The following AP1M1 variants were observed in gnomAD, a reference collection of about 807,000 sequenced individuals.
AP1M1 encodes adaptor related protein complex 1 subunit mu 1.
A neutral mutation model predicts 57.1 loss-of-function variants in AP1M1; 18 were observed. That is an observed-to-expected ratio of 0.32 (90% confidence interval 0.22 to 0.47). The LOEUF (loss-of-function observed/expected upper bound fraction) is 0.47, where lower values mean the gene tolerates loss of function less well. Ranked by LOEUF, AP1M1 falls within the 20% of genes least tolerant of loss-of-function variation. The pLI, the probability that AP1M1 is intolerant of heterozygous loss-of-function variation, is 1.00. For missense variants in AP1M1, 362 were observed against 593.5 expected (o/e 0.61, Z 4.05); for synonymous variants, 241 against 237.9 (o/e 1.01, Z -0.12).
At chr19:16,229,015 G>T (rs2091584183) in intron 9 of AP1M1, 87 bp downstream of exon 9, 1 of 1,474,818 alleles carries the variant, frequency 6.8e-7, no homozygotes, top group Non-Finnish European at 9.3e-7. Flanking sequence ...TGCACCTCAA[G>T]ATGGGGTGAC....
chr19:16,216,439 C>T (rs913273378), intron 5 of AP1M1, among the ~76,000 whole-genome samples: 2 of 149,658 alleles, frequency 1.3e-5, no homozygotes, highest in African/African-American at 2.5e-5. Flanking sequence ...AGCGAAACTC[C>T]GTCTCAAAAA....
At chr19:16,211,758 ACAAAAAACAAAAC>A (rs2091495113) in intron 5 of AP1M1, among the ~76,000 whole-genome samples, 2 of 152,094 alleles carry the variant, frequency 1.3e-5, no homozygotes, top group South Asian at 4.1e-4. Flanking sequence ...TCAAAAAAAA[ACAAAAAACAAAAC>A]CAAAAAACTC....
Position 16,238,910 on chromosome 19 carries a change from T to C in AP1M1, c.*4475T>C, listed in dbSNP as rs1390683928. The C allele has an allele frequency of 6.6e-6, 1 of 151,264 alleles. No individual in the cohort carries two copies. The highest frequency in any genetic ancestry group is 2.4e-5 in the African/African-American group (1 of 41,110). 9.4% of individuals were successfully genotyped at this position (151,264 alleles called of 1,614,324 possible). A position where few individuals can be genotyped will look rare whatever the true frequency, so the allele number is the denominator to read the frequency against. On this transcript the variant is annotated 3_prime_UTR_variant, in exon 12 of 12. Transcript: ENST00000291439. Reference sequence around the variant, plus strand: ...CTTTTTGTAGTTCTTAATATACTTTTTGTAGTTTTTTTGTTTTTTGTTTTT... The same window carrying C: ...CTTTTTGTAGTTCTTAATATACTTTCTGTAGTTTTTTTGTTTTTTGTTTTT...
rs1281878063 is a variant in AP1M1 at position 16,245,271 on chromosome 19, TTTGC to T, written c.*10839_*10842del. ...ATTTTTATTATTTTAGCACTGTAAC[TTTGC>T]TTTTCTTCTTTGTTTTGTTTTTTTG... is the stretch of plus-strand genomic sequence containing the variant. On this transcript the variant is annotated 3_prime_UTR_variant, in exon 12 of 12. Transcript: ENST00000291439. The T allele has an allele frequency of 1.3e-5, 2 of 152,086 alleles. No individual in the cohort carries two copies. Among genetic ancestry groups the T allele is most frequent in the Non-Finnish European group, 2.9e-5 (2 of 68,140 alleles). 9.4% of individuals were successfully genotyped at this position (152,086 alleles called of 1,614,324 possible). A position where few individuals can be genotyped will look rare whatever the true frequency, so the allele number is the denominator to read the frequency against.
chr19:16,208,359 G>T (rs1294819494), intron 4 of AP1M1: 1 of 466,380 alleles, frequency 2.1e-6, no homozygotes, highest in Non-Finnish European at 3.8e-6. Flanking sequence ...TGCTTTTCCT[G>T]CTCCTCATCT....
At chr19:16,202,311 C>T (rs150405855) in intron 1 of AP1M1, among the ~76,000 whole-genome samples, 1,524 of 152,342 alleles carry the variant, frequency 0.01, 14 homozygotes, top group Non-Finnish European at 0.013. Context: ...CCAAGAGCTG[C>T]AGCTGCTCCA....
chr19:16,217,762 C>T (rs1299640767), intron 5 of AP1M1, among the ~76,000 whole-genome samples: 1 of 152,150 alleles, frequency 6.6e-6, no homozygotes, highest in Non-Finnish European at 1.5e-5. Context: ...GCAAGTCAAG[C>T]CTAGGGGATG....
At chr19:16,215,671 T>C (rs1014002238) in intron 5 of AP1M1, among the ~76,000 whole-genome samples, 1 of 151,994 alleles carries the variant, frequency 6.6e-6, no homozygotes, top group African/African-American at 2.4e-5. Flanking sequence ...TGAAGTATTT[T>C]GCAGGGGTTC....
At position 16,240,737 on chromosome 19, in the gene AP1M1, A is replaced by T. The variant is rs1173927437; in HGVS notation, c.*6302A>T. 1.1e-4 allele frequency: 17 copies of T among 152,172 alleles called. No homozygotes were observed. The highest frequency in any genetic ancestry group is 2.2e-4 in the Non-Finnish European group (15 of 68,064). The allele number at this position is 152,172 out of a possible 1,614,324, so 9.4% of individuals were successfully genotyped here. On this transcript the variant is annotated 3_prime_UTR_variant, in exon 12 of 12. Coordinates refer to ENST00000291439, the MANE Select transcript of AP1M1 (RefSeq NM_032493.4). ...AGTGCTGGGATTACAGGCATGAGCC[A>T]CTGCGCCCAGCCTGAAAATCTTGAA...
In AP1M1 at chr19:16,203,455, C is replaced by T; in HGVS notation, c.43-4C>T. 1 of 1,614,212 alleles carries T rather than the reference C, an allele frequency of 6.2e-7. No homozygotes were observed. The highest frequency in any genetic ancestry group is 8.5e-7 in the Non-Finnish European group (1 of 1,180,046). Reference sequence around the variant, plus strand: ...GCATCTTTTCTCTTCCTTCCCCACCCCAGGTGCTCATCTGCCGGAACTACC... The same window carrying T: ...GCATCTTTTCTCTTCCTTCCCCACCTCAGGTGCTCATCTGCCGGAACTACC... On this transcript the variant is annotated splice_region_variant and splice_polypyrimidine_tract_variant and intron_variant, in intron 1 of 11. Coordinates refer to ENST00000291439, the MANE Select transcript of AP1M1 (RefSeq NM_032493.4). This position sits in a 1 kb window ranked among gnomAD's most constrained non-coding sequence, Gnocchi z 4.6.
chr19:16,231,450 A>G (rs1599467179), intron 9 of AP1M1, among the ~76,000 whole-genome samples: 1 of 150,834 alleles, frequency 6.6e-6, no homozygotes, highest in African/African-American at 2.4e-5. Flanking sequence ...TCTGTTGCCC[A>G]GGCTGGAGTG....
At chr19:16,222,363 A>AAAAATT (rs2091549980) in intron 5 of AP1M1, among the ~76,000 whole-genome samples, 3 of 151,722 alleles carry the variant, frequency 2.0e-5, no homozygotes, top group African/African-American at 7.3e-5. Flanking sequence ...GTGCACCACC[A>AAAAATT]AGCCTGGCTA....
At position 16,209,186 on chromosome 19, in the gene AP1M1, C is replaced by G; in HGVS notation, c.546+9C>G. ...AGTCTGTCAACCTCTTGGTAGGCCT[C>G]TTTTCTTTCCTTCTTCTGTAGGGTT... On this transcript the variant is annotated intron_variant, in intron 5 of 11. Transcript: ENST00000291439. 1 of 1,613,300 alleles carries G rather than the reference C, an allele frequency of 6.2e-7. No individual in the cohort carries two copies.
chr19:16,229,509 C>T (rs1599466177), intron 9 of AP1M1, among the ~76,000 whole-genome samples: 1 of 152,214 alleles, frequency 6.6e-6, no homozygotes, highest in African/African-American at 2.4e-5. Flanking sequence ...GGCTCTGGAG[C>T]TGAGCCGGGT....
chr19:16,215,584 G>A (rs2091516121), intron 5 of AP1M1, among the ~76,000 whole-genome samples: 1 of 150,694 alleles, frequency 6.6e-6, no homozygotes, highest in African/African-American at 2.4e-5. Context: ...CTTTGTAGGT[G>A]ACCTGCTATG....
chr19:16,228,299 G>A lies in AP1M1; in HGVS notation c.888+91G>A. Reference sequence around the variant, plus strand: ...CGAGGGCTGGGGGTGCCGTAGGGCTGCCATCCGTGCACCCTCACTGTGGCC... The same window carrying A: ...CGAGGGCTGGGGGTGCCGTAGGGCTACCATCCGTGCACCCTCACTGTGGCC... On this transcript the variant is annotated intron_variant, in intron 8 of 11. Coordinates refer to ENST00000291439, the MANE Select transcript of AP1M1 (RefSeq NM_032493.4). The surrounding 1 kb of genome is among the most constrained non-coding windows in gnomAD (Gnocchi z 5.0). The A allele has an allele frequency of 2.3e-6, 3 of 1,300,560 alleles. No homozygotes were observed. Among genetic ancestry groups the A allele is most frequent in the Non-Finnish European group, 3.3e-6 (3 of 921,774 alleles). The allele number at this position is 1,300,560 out of a possible 1,614,324, so 80.6% of individuals were successfully genotyped here.
chr19:16,227,935 T>G lies in AP1M1; in HGVS notation c.817-202T>G, dbSNP rs990096020. On this transcript the variant is annotated intron_variant, in intron 7 of 11. Coordinates refer to ENST00000291439, the MANE Select transcript of AP1M1 (RefSeq NM_032493.4). This position sits in a 1 kb window ranked among gnomAD's most constrained non-coding sequence, Gnocchi z 6.2. ...AGGCCCTGGTCATGTTTTCTGCATT[T>G]GCCCCAAGGCCTCCCCGGTAGCTCC... Among the ~76,000 whole-genome samples, 2 of 152,344 alleles carry G rather than the reference T, an allele frequency of 1.3e-5. No homozygotes were observed. The highest frequency in any genetic ancestry group is 1.3e-4 in the Admixed American group (2 of 15,314).
rs2091474818 is a variant in AP1M1, at chr19:16,207,638, T to A, written c.268-381T>A. On this transcript the variant is annotated intron_variant, in intron 3 of 11. Coordinates refer to ENST00000291439, the MANE Select transcript of AP1M1 (RefSeq NM_032493.4). This position sits in a 1 kb window ranked among gnomAD's most constrained non-coding sequence, Gnocchi z 4.2. ...TTGAAATGGGGAAGATGCATCAAGC[T>A]TTCCACTGAAATGGGGAAGATGGCA... is the stretch of plus-strand genomic sequence containing the variant. 6.6e-6 allele frequency among the ~76,000 whole-genome samples: 1 copy of A among 152,176 alleles called. No individual in the cohort carries two copies. The highest frequency in any genetic ancestry group is 2.1e-4 in the South Asian group (1 of 4,832).
In AP1M1 at chr19:16,227,841, C is replaced by G. The variant is rs2091577839; in HGVS notation, c.816+151C>G. ...AGAGATGGAGTCTGAGGACTTGGGA[C>G]TCCGAGCTTTCTGAGGGGCACAGAC... On this transcript the variant is annotated intron_variant, in intron 7 of 11. Coordinates refer to ENST00000291439, the MANE Select transcript of AP1M1 (RefSeq NM_032493.4). The surrounding 1 kb of genome is among the most constrained non-coding windows in gnomAD (Gnocchi z 6.2). 9.1e-7 allele frequency: 1 copy of G among 1,095,026 alleles called. No homozygotes were observed. The allele number at this position is 1,095,026 out of a possible 1,614,324, so 67.8% of individuals were successfully genotyped here.
Sources: gnomAD v4.1 joint callset for allele counts (sites outside exome capture counted in the v4.1 genomes callset) on GRCh38, gnomAD v4.1.1 for gene constraint, Gnocchi (gnomAD v3.1) non-coding constraint, MANE v1.5 for transcripts, NCBI Gene and HGNC (gene_info 2026-07-23, HGNC 2026-07-21) for gene names.